The following COL4A4 variants were observed in gnomAD, a reference collection of about 807,000 sequenced individuals.
COL4A4 encodes collagen alpha-4(IV) chain.
A neutral mutation model predicts 192.9 loss-of-function variants in COL4A4; 105 were observed. That is an observed-to-expected ratio of 0.54 (90% CI 0.46 to 0.64). The LOEUF (loss-of-function observed/expected upper bound fraction) is 0.64. Ranked by LOEUF, COL4A4 falls within the 30% of genes least tolerant of loss-of-function variation. COL4A4 has a pLI of 0.00. For missense variants in COL4A4, 1,967 were observed against 2,169.3 expected (o/e 0.91, Z 1.85); for synonymous variants, 762 against 769.9 (o/e 0.99, Z 0.17).
At chr2:227,134,388 G>A (rs528679419) in intron 4 of COL4A4, among the ~76,000 whole-genome samples, 4 of 152,322 alleles carry the variant, frequency 2.6e-5, no homozygotes, top group African/African-American at 9.6e-5. Context: ...AAGCTCAGGG[G>A]TTGAAAGACC....
rs150650251 is a variant in COL4A4, at chr2:227,012,964, G to C, written c.4217-667C>G. Among the ~76,000 whole-genome samples the C allele has an allele frequency of 4.6e-5, 7 of 152,306 alleles. No individual in the cohort carries two copies. In the East Asian group the frequency reaches 1.3e-3, roughly 29 times the overall value. Reference sequence around the variant, plus strand: ...AAGTCACAGAGCAGTCACATGTGGAGAGGAAACTTAGGCCCAAGGGAGCCA... The same window carrying C: ...AAGTCACAGAGCAGTCACATGTGGACAGGAAACTTAGGCCCAAGGGAGCCA... On this transcript the variant is annotated intron_variant, in intron 44 of 47. Transcript: ENST00000396625.
At chr2:227,060,092 C>T (rs1289595402) in intron 27 of COL4A4, 44 bp downstream of exon 27, 1 of 863,020 alleles carries the variant, frequency 1.2e-6, no homozygotes, top group Non-Finnish European at 1.6e-6. Context: ...GATAGATATT[C>T]CCAAAGCAGA....
At chr2:227,129,411 CTT>C (rs752359503) in intron 4 of COL4A4, among the ~76,000 whole-genome samples, 16 of 137,976 alleles carry the variant, frequency 1.2e-4, no homozygotes, top group African/African-American at 1.1e-4. Flanking sequence ...TTCTAGTATA[CTT>C]TTTTTTTTTT....
At chr2:227,023,280 A>T (rs1448036153) in intron 43 of COL4A4, among the ~76,000 whole-genome samples, 2 of 131,392 alleles carry the variant, frequency 1.5e-5, no homozygotes, top group Admixed American at 7.4e-5. Context: ...ATCTCTACTT[A>T]AAAAAAAAAA....
the COL4A4 span, among the ~76,000 whole-genome samples, chr2:226,978,628 C>T: frequency 6.6e-6 from 1 of 152,214 alleles, no homozygotes; most frequent in Non-Finnish European, 1.5e-5. Flanking sequence ...GACATAAACC[C>T]TCACTGTCCT....
chr2:227,133,958 C>T lies in COL4A4; in HGVS notation c.192+6203G>A, dbSNP rs528234696. 3.3e-5 allele frequency among the ~76,000 whole-genome samples: 5 copies of T among 152,064 alleles called. No individual in the cohort carries two copies. In the East Asian group the frequency reaches 9.7e-4, roughly 29 times the overall value. ...CTTACTCAAGCCTACACAGATCATCCTATAGCTGAAGATTCAGGCTTTAAC... is the reference window on the plus strand; with the variant it reads ...CTTACTCAAGCCTACACAGATCATCTTATAGCTGAAGATTCAGGCTTTAAC... On this transcript the variant is annotated intron_variant, in intron 4 of 47. Coordinates refer to ENST00000396625, the MANE Select transcript of COL4A4 (RefSeq NM_000092.5).
chr2:226,970,043 C>G, the COL4A4 span, among the ~76,000 whole-genome samples: 3 of 132,480 alleles, frequency 2.3e-5, no homozygotes, highest in Non-Finnish European at 4.6e-5. Flanking sequence ...AACCTGGTCA[C>G]ATCGTCATCC....
At chr2:226,974,907 A>G in the COL4A4 span, among the ~76,000 whole-genome samples, 1 of 152,084 alleles carries the variant, frequency 6.6e-6, no homozygotes, top group East Asian at 1.9e-4. Flanking sequence ...TCCCATTACC[A>G]TTTTCAGGCC....
intron 2 of COL4A4, 52 bp downstream of exon 2, chr2:227,147,361 A>G: frequency 1.3e-6 from 2 of 1,530,170 alleles, no homozygotes; most frequent in Non-Finnish European, 1.8e-6. Flanking sequence ...TAGAACAAAC[A>G]TTGAGTAGAA....
Position 227,037,938 on chromosome 2 carries a change from T to C in COL4A4, c.3505+4210A>G, listed in dbSNP as rs573870888. ...TCGCCCACTTTTTGATGGGGTTGTT[T>C]CTTTCTTGTAAATTTGTTTGAATTC... is the stretch of plus-strand genomic sequence containing the variant. On this transcript the variant is annotated intron_variant, in intron 37 of 47. Transcript: ENST00000396625. Among the ~76,000 whole-genome samples, 3 of 152,356 alleles carry C rather than the reference T, an allele frequency of 2.0e-5. No individual in the cohort carries two copies. In the East Asian group the frequency reaches 5.8e-4, roughly 29 times the overall value.
rs747981508 is a variant in COL4A4 at position 227,080,471 on chromosome 2, G to A, written c.1775C>T (p.Ala592Val). The part of the protein sequence containing the change: ...QPGSHGRDGH[A>V]GEKGDPGPPG... ...AGGTCCTGGATCCCCTTTTTCTCCA[G>A]CATGTCCATCCCGACCATGTGATCC... The change falls in exon 24 of 48, where the codon GCT (alanine) becomes GTT (valine). Residue 592 changes from alanine (A) to valine (V), a missense_variant. Transcript: ENST00000396625. 3.7e-6 allele frequency: 6 copies of A among 1,613,940 alleles called. No individual in the cohort carries two copies. Among genetic ancestry groups the A allele is most frequent in the South Asian group, 1.1e-5 (1 of 91,078 alleles).
At chr2:226,985,143 C>T in the COL4A4 span, among the ~76,000 whole-genome samples, 2 of 152,162 alleles carry the variant, frequency 1.3e-5, no homozygotes, top group Admixed American at 6.5e-5. Flanking sequence ...ATTTAGGAGG[C>T]TCCGGATCAT....
Position 227,008,239 on chromosome 2 carries a change from C to T in COL4A4, c.4588G>A (p.Val1530Met). 6.2e-7 allele frequency: 1 copy of T among 1,614,238 alleles called. No homozygotes were observed. The highest frequency in any genetic ancestry group is 2.2e-5 in the East Asian group (1 of 44,888). Residue 1530 changes from valine to methionine, a missense_variant, in exon 47 of 48, where the codon GTG becomes ATG. By Grantham distance (21) the Val-to-Met change is conservative. Transcript: ENST00000396625. The stretch of plus-strand genomic sequence containing the variant: ...TCGTTTCTCTGGGCATAGTGGCACA[C>T]CTGGTGGATGTTGCAGTAGGCAAAG... ...LPFAYCNIHQ[V>M]CHYAQRNDRS...
intron 43 of COL4A4, among the ~76,000 whole-genome samples, chr2:227,024,523 T>C (rs1966634536): frequency 6.6e-6 from 1 of 152,236 alleles, no homozygotes; most frequent in African/African-American, 2.4e-5. Flanking sequence ...AGATATCATC[T>C]GATTAGCTAT....
chr2:226,986,675 G>C, the COL4A4 span, among the ~76,000 whole-genome samples: 5 of 152,232 alleles, frequency 3.3e-5, no homozygotes, highest in Non-Finnish European at 4.4e-5. Context: ...AAAAAGTCAG[G>C]AAACAACAGA....
At position 227,140,251 on chromosome 2, in the gene COL4A4, G is replaced by A; in HGVS notation, c.115-13C>T. ...ATTTCTTTCCACTCTGGAAAGTGAA[G>A]CATCTTATTTAGTATACCAGTACTC... On this transcript the variant is annotated splice_polypyrimidine_tract_variant and intron_variant, in intron 3 of 47. Coordinates refer to ENST00000396625, the MANE Select transcript of COL4A4 (RefSeq NM_000092.5). 1 of 1,611,236 alleles carries A rather than the reference G, an allele frequency of 6.2e-7. No homozygotes were observed. Among genetic ancestry groups the A allele is most frequent in the Non-Finnish European group, 8.5e-7 (1 of 1,177,416 alleles).
chr2:227,120,732 G>C (rs752434559), intron 5 of COL4A4: 1 of 349,268 alleles, frequency 2.9e-6, no homozygotes, highest in Non-Finnish European at 5.5e-6. Context: ...GAGGTCAGGA[G>C]TTCGAGACCA....
intron 12 of COL4A4, chr2:227,104,274 A>C: frequency 1.9e-6 from 1 of 518,504 alleles, no homozygotes; most frequent in Non-Finnish European, 3.4e-6. Flanking sequence ...AATGATTCTT[A>C]ATGCTACTAT....
rs773342435 is a variant in COL4A4 at position 227,007,339 on chromosome 2, C to T, written c.5059G>A (p.Val1687Met). The T allele has an allele frequency of 1.7e-5, 27 of 1,614,102 alleles. No individual in the cohort carries two copies. The highest frequency in any genetic ancestry group is 1.1e-4 in the South Asian group (10 of 91,084). Residue 1687 changes from valine to methionine, a missense_variant, in exon 48 of 48, where the codon GTG becomes ATG. Physicochemically the swap from Val to Met is conservative, Grantham distance 21. Transcript: ENST00000396625. ...TTTCGCATTCTCTAGCTATACTTCA[C>T]GCAGACCTGGCACCGGCTGATTTTC... is the stretch of plus-strand genomic sequence containing the variant. ...RQKISRCQVC[V>M]KYS
Sources: gnomAD v4.1 joint callset for allele counts (sites outside exome capture counted in the v4.1 genomes callset) on GRCh38, gnomAD v4.1.1 for gene constraint, MANE v1.5 for transcripts, NCBI Gene and HGNC (gene_info 2026-07-23, HGNC 2026-07-21) for gene names.